MS4A10: variants seen among roughly 807,000 people sequenced by gnomAD.
The protein encoded by MS4A10 is membrane-spanning 4-domains subfamily A member 10.
Under a neutral mutation model 27.7 loss-of-function variants are expected in MS4A10, and 27 were observed. The observed-to-expected ratio is 0.98, with a 90% CI of 0.72 to 1.35. The LOEUF (loss-of-function observed/expected upper bound fraction) is 1.35, where lower values mean the gene tolerates loss of function less well. Ranked by LOEUF, MS4A10 falls within the 40% of genes most tolerant of loss-of-function variation. The probability of loss-of-function intolerance (pLI) is 0.00; values close to 1 mark genes in which losing one functional copy is unlikely to be tolerated. For missense variants in MS4A10, 338 were observed against 324.7 expected, an observed-to-expected ratio of 1.04 and a Z score of -0.32; for synonymous variants, 139 against 131.2, an observed-to-expected ratio of 1.06 and a Z score of -0.41.
rs146236803 is a variant in MS4A10, at chr11:60,798,489, G to A, written c.697G>A (p.Asp233Asn). ...ATCCTACCAGAGTGTGATTCAAGGC[G>A]ACGCACAACACAAGCAACATCAGAG... ...PPSYQSVIQG[D>N]AQHKQHQRLR... Residue 233 changes from aspartate (D) to asparagine (N), a missense_variant, in exon 7 of 8, where the codon GAC becomes AAC. By Grantham distance (23) the Asp-to-Asn change is conservative. Transcript: ENST00000308287. 4.0e-4 allele frequency: 646 copies of A among 1,614,036 alleles called. 1 individual carries two copies. Among genetic ancestry groups the A allele is most frequent in the African/African-American group, 3.9e-3 (294 of 75,044 alleles).
intron 7 of MS4A10, among the ~76,000 whole-genome samples, chr11:60,799,095 A>C (rs1854585459): frequency 6.6e-6 from 1 of 152,200 alleles, no homozygotes; most frequent in African/African-American, 2.4e-5. Context: ...GACCCTCTGC[A>C]TGAATCTTTT....
Position 60,792,431 on chromosome 11 carries a change from G to T in MS4A10, c.360+110G>T. 6.0e-6 allele frequency: 5 copies of T among 837,064 alleles called. No homozygotes were observed. In the South Asian group the frequency reaches 7.0e-5, roughly 12 times the overall value. 51.9% of individuals were successfully genotyped at this position (837,064 alleles called of 1,614,324 possible). ...AGGGCACTTCTCCAGGACTTGCTAA[G>T]AGCAGGCTCTTGCCTTCAGGACAGC... is the stretch of plus-strand genomic sequence containing the variant. On this transcript the variant is annotated intron_variant, in intron 4 of 7. Coordinates refer to ENST00000308287, the MANE Select transcript of MS4A10 (RefSeq NM_206893.4).
At position 60,800,062 on chromosome 11, in the gene MS4A10, C is replaced by G. The variant is rs1565084728; in HGVS notation, c.*153C>G. Reference sequence around the variant, plus strand: ...TCAGCCCTCACAGCTCCTGGGAACGCTGTCCTCTCAGATAAGCCATTTCTT... The same window carrying G: ...TCAGCCCTCACAGCTCCTGGGAACGGTGTCCTCTCAGATAAGCCATTTCTT... On this transcript the variant is annotated 3_prime_UTR_variant, in exon 8 of 8. Transcript: ENST00000308287. 1 of 1,104,020 alleles carries G rather than the reference C, an allele frequency of 9.1e-7. No individual in the cohort carries two copies. Among genetic ancestry groups the G allele is most frequent in the Non-Finnish European group, 1.3e-6 (1 of 770,326 alleles). 68.4% of individuals were successfully genotyped at this position (1,104,020 alleles called of 1,614,324 possible). A position where few individuals can be genotyped will look rare whatever the true frequency, so the allele number is the denominator to read the frequency against.
intron 3 of MS4A10, among the ~76,000 whole-genome samples, 192 bp downstream of exon 3, chr11:60,791,285 G>A (rs950515020): frequency 6.6e-6 from 1 of 152,202 alleles, no homozygotes; most frequent in East Asian, 1.9e-4. Context: ...CTCCTTCCAG[G>A]GAGCCCCTGT....
intron 6 of MS4A10, among the ~76,000 whole-genome samples, chr11:60,797,390 G>A (rs1389753462): frequency 6.6e-6 from 1 of 152,146 alleles, no homozygotes; most frequent in Non-Finnish European, 1.5e-5. Context: ...GGAGGTCAGC[G>A]GTTTGAAATG....
intron 7 of MS4A10, among the ~76,000 whole-genome samples, chr11:60,799,496 A>C (rs1433028718): frequency 6.6e-6 from 1 of 152,214 alleles, no homozygotes; most frequent in Non-Finnish European, 1.5e-5. Context: ...AACCCCAAAA[A>C]TAACAAACAT....
At chr11:60,787,968 G>T (rs1054688712) in intron 1 of MS4A10, among the ~76,000 whole-genome samples, 5 of 152,048 alleles carry the variant, frequency 3.3e-5, no homozygotes, top group African/African-American at 9.7e-5. Flanking sequence ...GGTGAGCCAA[G>T]ATTACGCCAC....
chr11:60,791,438 A>G (rs1229539565), intron 3 of MS4A10, among the ~76,000 whole-genome samples: 1 of 152,202 alleles, frequency 6.6e-6, no homozygotes, highest in Non-Finnish European at 1.5e-5. Flanking sequence ...CTGCCTCTGG[A>G]TCCAGCTACA....
In MS4A10 at chr11:60,794,149, T is replaced by G. The variant is rs758708070; in HGVS notation, c.492+46T>G. The G allele has an allele frequency of 5.6e-6, 9 of 1,610,082 alleles. No individual in the cohort carries two copies. The Admixed American group carries it at 1.3e-4, about 24-fold the overall frequency. ...GGCCCTCTGACTTCAGCGAAGGTGC[T>G]GCCTTGGATTTGGCCAACAGGAGGT... On this transcript the variant is annotated intron_variant, in intron 5 of 7. Coordinates refer to ENST00000308287, the MANE Select transcript of MS4A10 (RefSeq NM_206893.4).
intron 6 of MS4A10, among the ~76,000 whole-genome samples, chr11:60,796,037 A>G (rs904622147): frequency 6.6e-6 from 1 of 152,158 alleles, no homozygotes; most frequent in Non-Finnish European, 1.5e-5. Flanking sequence ...GCAGAGCAAG[A>G]AGAGCACGAG....
intron 6 of MS4A10, among the ~76,000 whole-genome samples, chr11:60,796,213 G>GATGGATGGATGA (rs1478312808): frequency 4.0e-5 from 6 of 151,890 alleles, no homozygotes; most frequent in Non-Finnish European, 8.8e-5. Flanking sequence ...TGGATGGATG[G>GATGGATGGATGA]ATGATGTATG....
In MS4A10 at chr11:60,790,363, A is replaced by T. The variant is rs747341409; in HGVS notation, c.28A>T (p.Ser10Cys). The change falls in exon 2 of 8, where the codon AGC (serine) becomes TGC (cysteine). Residue 10 changes from serine (S) to cysteine (C), a missense_variant. Coordinates refer to ENST00000308287, the MANE Select transcript of MS4A10 (RefSeq NM_206893.4). MKAEATVIP[S>C]RCARGLPSWQ... is the part of the protein sequence containing the mutation. ...GAAAGCAGAAGCCACAGTTATTCCC[A>T]GCCGTTGTGCTAGGGGGCTCCCATC... is the stretch of plus-strand genomic sequence containing the variant. The T allele has an allele frequency of 1.9e-6, 3 of 1,614,078 alleles. No homozygotes were observed. The highest frequency in any genetic ancestry group is 2.5e-6 in the Non-Finnish European group (3 of 1,179,976).
intron 1 of MS4A10, among the ~76,000 whole-genome samples, chr11:60,785,850 C>T (rs570649305): frequency 2.6e-5 from 4 of 152,164 alleles, no homozygotes; most frequent in South Asian, 4.2e-4. Flanking sequence ...AGGGACTTGT[C>T]GAGGGCCACG....
chr11:60,794,042 A>G lies in MS4A10; in HGVS notation c.431A>G (p.Lys144Arg), dbSNP rs1201182709. The G allele has an allele frequency of 6.2e-7, 1 of 1,614,010 alleles. No homozygotes were observed. Among genetic ancestry groups the G allele is most frequent in the Non-Finnish European group, 8.5e-7 (1 of 1,179,994 alleles). Residue 144 changes from lysine (K) to arginine (R), a missense_variant, in exon 5 of 8, where the codon AAG (lysine) becomes AGG (arginine). Lys to Arg is a conservative substitution (Grantham distance 26, BLOSUM62 2). Coordinates refer to ENST00000308287, the MANE Select transcript of MS4A10 (RefSeq NM_206893.4). ...CTGTCTGGCCTCTTCGTCATCTCCA[A>G]GGATCTCTTTCTGGAGAGCCCATTT... ...CVLSGLFVIS[K>R]DLFLESPFES...
At position 60,795,648 on chromosome 11, in the gene MS4A10, G is replaced by A. The variant is rs1265223729; in HGVS notation, c.586G>A (p.Asp196Asn). The stretch of plus-strand genomic sequence containing the variant: ...CACAGCTGTCACAGCCTGGAGAGGG[G>A]ACTGCCCATCTGCAAAGGTAAGACA... ...VPTAVTAWRG[D>N]CPSAKNDDAC... The change falls in exon 6 of 8, where the codon GAC becomes AAC. Residue 196 changes from aspartate to asparagine, a missense_variant. Physicochemically the swap from Asp to Asn is conservative, Grantham distance 23. Coordinates refer to ENST00000308287, the MANE Select transcript of MS4A10 (RefSeq NM_206893.4). 2 of 1,584,242 alleles carry A rather than the reference G, an allele frequency of 1.3e-6. No homozygotes were observed. Among genetic ancestry groups the A allele is most frequent in the Non-Finnish European group, 1.7e-6 (2 of 1,165,494 alleles).
chr11:60,785,604 G>C (rs1402487047), intron 1 of MS4A10, among the ~76,000 whole-genome samples, 183 bp downstream of exon 1: 1 of 152,126 alleles, frequency 6.6e-6, no homozygotes, highest in Non-Finnish European at 1.5e-5. Context: ...CTCCCAGAAG[G>C]GAGGAGATGT....
rs1338991960 is a variant in MS4A10 at position 60,785,909 on chromosome 11, G to A, written c.-23+488G>A. The stretch of plus-strand genomic sequence containing the variant: ...TTCTTGACTCCCTCCTTGGACGGAG[G>A]CCTCTGTTTCCTGCAGGCCTTCCAG... On this transcript the variant is annotated intron_variant, in intron 1 of 7. Coordinates refer to ENST00000308287, the MANE Select transcript of MS4A10 (RefSeq NM_206893.4). 3.9e-5 allele frequency among the ~76,000 whole-genome samples: 6 copies of A among 152,096 alleles called. No homozygotes were observed. The East Asian group carries it at 1.2e-3, about 29-fold the overall frequency.
Position 60,792,332 on chromosome 11 carries a change from A to G in MS4A10, c.360+11A>G, listed in dbSNP as rs931861. On this transcript the variant is annotated intron_variant, in intron 4 of 7. Coordinates refer to ENST00000308287, the MANE Select transcript of MS4A10 (RefSeq NM_206893.4). The stretch of plus-strand genomic sequence containing the variant: ...TCTAAAACTTACCTGGTGAGTGGGC[A>G]CACTGAGATCATTCTCTTCCATCTG... 1,221,963 of 1,579,828 alleles carry G rather than the reference A, an allele frequency of 0.77. 476,799 individuals are homozygous for G. The highest frequency in any genetic ancestry group is 0.91 in the East Asian group (40,541 of 44,670).
chr11:60,798,241 C>A lies in MS4A10; in HGVS notation c.604-155C>A, dbSNP rs377025212. 1.5e-3 allele frequency among the ~76,000 whole-genome samples: 236 copies of A among 152,334 alleles called. 1 individual carries two copies. Among genetic ancestry groups the A allele is most frequent in the African/African-American group, 5.6e-3 (231 of 41,570 alleles). The stretch of plus-strand genomic sequence containing the variant: ...CAGGGAGGGTGGAGGGAGTCACACA[C>A]TGGTCTATGGAAGTCGCTTCGTCTC... On this transcript the variant is annotated intron_variant, in intron 6 of 7. Coordinates refer to ENST00000308287, the MANE Select transcript of MS4A10 (RefSeq NM_206893.4).
Sources: gnomAD v4.1 joint callset for allele counts (sites outside exome capture counted in the v4.1 genomes callset) on GRCh38, gnomAD v4.1.1 for gene constraint, MANE v1.5 for transcripts, NCBI Gene and HGNC (gene_info 2026-07-23, HGNC 2026-07-21) for gene names.